Variants in PCGF6 observed in about 807,000 individuals in gnomAD.
The protein encoded by PCGF6 is polycomb group RING finger protein 6.
In PCGF6, 24 loss-of-function variants were observed where a neutral mutation model predicts 45.5. The ratio of observed to expected loss-of-function variants is 0.53; its 90% CI spans 0.38 to 0.74. PCGF6 has a LOEUF of 0.74. Among genes scored for constraint, PCGF6 ranks in the 30% least tolerant of loss-of-function variants. The pLI is 0.00. For missense variants in PCGF6, 356 were observed against 443.2 expected (o/e 0.80, Z 1.77); for synonymous variants, 152 against 162.1 (o/e 0.94, Z 0.47).
intron 8 of PCGF6, among the ~76,000 whole-genome samples, chr10:103,321,766 ATTTC>A (rs1347173247): frequency 6.6e-6 from 1 of 152,076 alleles, no homozygotes; most frequent in African/African-American, 2.4e-5. Flanking sequence ...CTGAATAGAA[ATTTC>A]AAGTGTTTTC....
At chr10:103,322,639 G>A (rs1472000212) in intron 8 of PCGF6, among the ~76,000 whole-genome samples, 2 of 151,826 alleles carry the variant, frequency 1.3e-5, no homozygotes, top group Non-Finnish European at 2.9e-5. Context: ...TGGGCAAAAT[G>A]ATGAAACCCC....
intron 8 of PCGF6, among the ~76,000 whole-genome samples, chr10:103,317,182 T>C (rs974510340): frequency 6.6e-6 from 1 of 151,998 alleles, no homozygotes; most frequent in Non-Finnish European, 1.5e-5. Flanking sequence ...GGCTAATTTT[T>C]GTATTTTTAG....
At chr10:103,331,489 C>A (rs1031439039) in intron 7 of PCGF6, among the ~76,000 whole-genome samples, 1 of 152,154 alleles carries the variant, frequency 6.6e-6, no homozygotes, top group Non-Finnish European at 1.5e-5. Flanking sequence ...AACTCCTGAA[C>A]TCAGGAGATC....
chr10:103,323,520 C>G (rs971116202), intron 8 of PCGF6, among the ~76,000 whole-genome samples: 5 of 152,138 alleles, frequency 3.3e-5, no homozygotes, highest in Admixed American at 1.3e-4. Context: ...GTCTTGAACT[C>G]CTGACCTCAG....
chr10:103,335,941 C>T (rs61869834), intron 6 of PCGF6, among the ~76,000 whole-genome samples: 14,549 of 145,352 alleles, frequency 0.1, 789 homozygotes, highest in Middle Eastern at 0.22. Context: ...CACTCCAGCC[C>T]GGTGACAGTG....
chr10:103,321,388 GA>G (rs1001928064), intron 8 of PCGF6, among the ~76,000 whole-genome samples: 14 of 152,236 alleles, frequency 9.2e-5, no homozygotes, highest in African/African-American at 3.1e-4. Flanking sequence ...ACTTAGAAGA[GA>G]AATACTGTAC....
intron 8 of PCGF6, among the ~76,000 whole-genome samples, chr10:103,319,528 G>A (rs1213181143): frequency 6.6e-6 from 1 of 151,958 alleles, no homozygotes; most frequent in East Asian, 1.9e-4. Flanking sequence ...ACCCATTCCT[G>A]AGTTAAATCA....
chr10:103,339,894 T>G (rs942550662), intron 6 of PCGF6, among the ~76,000 whole-genome samples: 17 of 138,114 alleles, frequency 1.2e-4, no homozygotes, highest in African/African-American at 4.7e-4. Context: ...CCAGGTGCAG[T>G]GGCTCATGCC....
chr10:103,349,643 G>A (rs2093313754), intron 1 of PCGF6, among the ~76,000 whole-genome samples: 1 of 150,120 alleles, frequency 6.7e-6, no homozygotes, highest in Non-Finnish European at 1.5e-5. Flanking sequence ...ACCACGCCCC[G>A]CTACTTTTTG....
intron 9 of PCGF6, among the ~76,000 whole-genome samples, chr10:103,311,527 C>T (rs1480572295): frequency 2.0e-5 from 3 of 150,344 alleles, no homozygotes; most frequent in Non-Finnish European, 4.4e-5. Flanking sequence ...ATTGCAGCTG[C>T]GACCTCCCGG....
chr10:103,326,407 CAAT>C (rs1334503694), intron 8 of PCGF6, 124 bp downstream of exon 8: 6 of 313,640 alleles, frequency 1.9e-5, no homozygotes, highest in Non-Finnish European at 2.8e-5. Flanking sequence ...AAAAAAAAAA[CAAT>C]GTCTACAACA....
rs538417909 is a variant in PCGF6 at position 103,349,510 on chromosome 10, T to G, written c.361-511A>C. 8.8e-4 allele frequency among the ~76,000 whole-genome samples: 87 copies of G among 98,996 alleles called. 1 individual carries two copies. Among genetic ancestry groups the G allele is most frequent in the Non-Finnish European group, 1.0e-3 (49 of 48,400 alleles). 64.9% of individuals were successfully genotyped at this position (98,996 alleles called of 152,430 possible). ...TTTTTTTTTTTTTTGAGAGGGAGTC[T>G]GCCTCTGTCGCCCAGACTGGAGTGC... On this transcript the variant is annotated intron_variant, in intron 1 of 9. Transcript: ENST00000369847.
intron 6 of PCGF6, among the ~76,000 whole-genome samples, chr10:103,338,580 T>C (rs948363834): frequency 6.8e-6 from 1 of 147,196 alleles, no homozygotes; most frequent in Non-Finnish European, 1.5e-5. Flanking sequence ...AAAACACACA[T>C]ACCCTGTTGG....
intron 6 of PCGF6, among the ~76,000 whole-genome samples, chr10:103,342,358 T>G (rs1246649074): frequency 6.6e-6 from 1 of 151,882 alleles, no homozygotes; most frequent in African/African-American, 2.4e-5. Flanking sequence ...CTCAGCCTCC[T>G]GGGTAGCTGG....
At chr10:103,341,465 G>A (rs2093280561) in intron 6 of PCGF6, among the ~76,000 whole-genome samples, 1 of 151,750 alleles carries the variant, frequency 6.6e-6, no homozygotes, top group Non-Finnish European at 1.5e-5. Flanking sequence ...TCGAGACGGA[G>A]TTTGGCCCTT....
chr10:103,349,670 G>A (rs1294500116), intron 1 of PCGF6, among the ~76,000 whole-genome samples: 2 of 150,314 alleles, frequency 1.3e-5, no homozygotes, highest in African/African-American at 4.9e-5. Context: ...CAGTAGAGAA[G>A]GGGTTTCACC....
Position 103,303,099 on chromosome 10 carries a change from ATAAG to A in PCGF6, c.*802_*805del, listed in dbSNP as rs1470230541. 7.2e-5 allele frequency: 11 copies of A among 152,652 alleles called. No homozygotes were observed. Among genetic ancestry groups the A allele is most frequent in the African/African-American group, 2.4e-4 (10 of 41,464 alleles). 9.5% of individuals were successfully genotyped at this position (152,652 alleles called of 1,614,324 possible). On this transcript the variant is annotated 3_prime_UTR_variant, in exon 10 of 10. Transcript: ENST00000369847. ...AACTGACTTACTAAGAAAACAATGA[ATAAG>A]TAATTCTGTAAACTTCTCAAATTCT...
intron 5 of PCGF6, among the ~76,000 whole-genome samples, chr10:103,346,484 C>T (rs1045128729): frequency 2.6e-5 from 4 of 151,624 alleles, no homozygotes; most frequent in Non-Finnish European, 4.4e-5. Flanking sequence ...ATTAGCTTGG[C>T]GTAGTGGCGG....
chr10:103,318,893 G>C (rs2093186149), intron 8 of PCGF6, among the ~76,000 whole-genome samples: 1 of 152,172 alleles, frequency 6.6e-6, no homozygotes, highest in South Asian at 2.1e-4. Context: ...AGCTTTGTAA[G>C]CAGGCCCTTC....
Sources: allele counts gnomAD v4.1 joint callset (sites outside exome capture counted in the v4.1 genomes callset), GRCh38; gene constraint gnomAD v4.1.1; transcripts MANE v1.5; gene names NCBI Gene and HGNC (gene_info 2026-07-23, HGNC 2026-07-21).